Variants in RB1CC1 observed in about 807,000 individuals in gnomAD.
The protein encoded by RB1CC1 is RB1-inducible coiled-coil protein 1.
In RB1CC1, 46 loss-of-function variants were observed where a neutral mutation model predicts 177.5. The ratio of observed to expected loss-of-function variants is 0.26; its 90% CI spans 0.20 to 0.33. The LOEUF (loss-of-function observed/expected upper bound fraction) is 0.33, where lower values mean the gene tolerates loss of function less well. RB1CC1 is among the 10% of genes least tolerant of loss of function. The pLI, the probability that RB1CC1 is intolerant of heterozygous loss-of-function variation, is 1.00. For synonymous variants in RB1CC1, 666 were observed against 613.6 expected, an observed-to-expected ratio of 1.09 and a Z score of -1.26; for missense variants, 1,703 against 1,816.3, an observed-to-expected ratio of 0.94 and a Z score of 1.13.
intron 15 of RB1CC1, among the ~76,000 whole-genome samples, chr8:52,646,698 G>C (rs963258512): frequency 4.6e-5 from 7 of 152,256 alleles, no homozygotes; most frequent in African/African-American, 1.7e-4. Flanking sequence ...TAACCTCTTA[G>C]GGGTTGCTGA....
intron 1 of RB1CC1, among the ~76,000 whole-genome samples, chr8:52,688,447 C>T (rs1189745062): frequency 6.6e-6 from 1 of 152,202 alleles, no homozygotes; most frequent in Non-Finnish European, 1.5e-5. Flanking sequence ...GAGATACACC[C>T]TGGTCTCCTG....
intron 8 of RB1CC1, among the ~76,000 whole-genome samples, chr8:52,662,905 T>C (rs996696504): frequency 1.3e-5 from 2 of 152,112 alleles, no homozygotes; most frequent in African/African-American, 4.8e-5. Context: ...TGGTTTTCAA[T>C]TACTTTTTAT....
At chr8:52,632,739 G>T (rs1293021881) in intron 20 of RB1CC1, among the ~76,000 whole-genome samples, 1 of 152,018 alleles carries the variant, frequency 6.6e-6, no homozygotes, top group Non-Finnish European at 1.5e-5. Flanking sequence ...GGTCAAGCTG[G>T]GAACTACATC....
At chr8:52,689,422 C>T (rs979152244) in intron 1 of RB1CC1, among the ~76,000 whole-genome samples, 2 of 152,114 alleles carry the variant, frequency 1.3e-5, no homozygotes, top group African/African-American at 2.4e-5. Context: ...ATCACTAGTC[C>T]GTCAACCTCC....
At chr8:52,638,646 T>C (rs1309069744) in intron 18 of RB1CC1, among the ~76,000 whole-genome samples, 3 of 152,150 alleles carry the variant, frequency 2.0e-5, no homozygotes, top group Non-Finnish European at 4.4e-5. Context: ...ATATTGATTA[T>C]TGTTTTCCAA....
At chr8:52,687,395 A>G (rs1411322122) in intron 1 of RB1CC1, among the ~76,000 whole-genome samples, 1 of 152,112 alleles carries the variant, frequency 6.6e-6, no homozygotes, top group Non-Finnish European at 1.5e-5. Flanking sequence ...TACCACATCC[A>G]CCTACTGTAT....
intron 1 of RB1CC1, among the ~76,000 whole-genome samples, chr8:52,709,988 A>T (rs527992057): frequency 6.6e-6 from 1 of 152,378 alleles, no homozygotes; most frequent in African/African-American, 2.4e-5. Context: ...AAAGCTTCAG[A>T]GAAAAGATGA....
At chr8:52,655,987 C>A in intron 15 of RB1CC1, 21 bp downstream of exon 15, 1 of 1,515,928 alleles carries the variant, frequency 6.6e-7, no homozygotes, top group Non-Finnish European at 9.0e-7. Flanking sequence ...TTTATAATTA[C>A]AGACTAAACT....
At chr8:52,655,812 T>C (rs1383839767) in intron 15 of RB1CC1, among the ~76,000 whole-genome samples, 196 bp downstream of exon 15, 1 of 152,158 alleles carries the variant, frequency 6.6e-6, no homozygotes, top group Non-Finnish European at 1.5e-5. Flanking sequence ...ATTCATTTTT[T>C]AAAAGCCACT....
Position 52,656,559 on chromosome 8 carries a change from T to C in RB1CC1, c.3270A>G (p.Lys1090=), listed in dbSNP as rs1342601819. The change falls in exon 15 of 24, where the codon AAA becomes AAG. Residue 1090 remains lysine, a synonymous_variant. Transcript: ENST00000025008. ...ESRAQQKETL[K]SLLEQETENL... ...TTTCTGTCTCTTGTTCAAGAAGAGA[T>C]TTCAAGGTCTCCTTCTGCTGGGCTC... is the stretch of plus-strand genomic sequence containing the variant. 1.9e-6 allele frequency: 3 copies of C among 1,611,114 alleles called. No homozygotes were observed. The highest frequency in any genetic ancestry group is 2.7e-5 in the African/African-American group (2 of 74,640).
chr8:52,664,503 T>C (rs1033201491), intron 8 of RB1CC1, among the ~76,000 whole-genome samples: 10 of 152,328 alleles, frequency 6.6e-5, no homozygotes, highest in African/African-American at 2.4e-4. Flanking sequence ...TCTTTTGGTA[T>C]ATTCCATGAG....
intron 8 of RB1CC1, among the ~76,000 whole-genome samples, chr8:52,663,376 T>C (rs1050216490): frequency 2.0e-5 from 3 of 151,918 alleles, no homozygotes; most frequent in East Asian, 3.9e-4. Context: ...GCCAAAACCA[T>C]GTAGAAGGGT....
chr8:52,624,937 T>C, intron 22 of RB1CC1, 150 bp from the exon 23 acceptor site: 1 of 580,288 alleles, frequency 1.7e-6, no homozygotes, highest in Non-Finnish European at 2.9e-6. Flanking sequence ...ACTGAAATGC[T>C]TAACAATTTA....
chr8:52,683,554 C>A lies in RB1CC1; in HGVS notation c.364G>T (p.Ala122Ser), dbSNP rs763458648. 16 of 1,581,284 alleles carry A rather than the reference C, an allele frequency of 1.0e-5. No homozygotes were observed. The South Asian group carries it at 1.9e-4, about 19-fold the overall frequency. Residue 122 changes from alanine to serine, a missense_variant, in exon 5 of 24, where the codon GCA (alanine) becomes TCA (serine). Around this residue, in one of 6 missense-constraint regions of RB1CC1, gnomAD observed 11 missense variants for 29.1 expected, o/e 0.38. Coordinates refer to ENST00000025008, the MANE Select transcript of RB1CC1 (RefSeq NM_014781.5). ...AATAATTGTTTATATCTTACCAATG[C>A]AAGCTGTGTCCTTGAAGCAACAGTA... ...FHTVASRTQL[A>S]LEMYEVAKKL...
rs376611634 is a variant in RB1CC1, at chr8:52,654,489, ATT to A, written c.3821+1517_3821+1518del. Among the ~76,000 whole-genome samples the A allele has an allele frequency of 4.2e-4, 64 of 152,328 alleles. 1 individual carries two copies. The highest frequency in any genetic ancestry group is 1.5e-3 in the African/African-American group (63 of 41,574). On this transcript the variant is annotated intron_variant, in intron 15 of 23. Coordinates refer to ENST00000025008, the MANE Select transcript of RB1CC1 (RefSeq NM_014781.5). Reference sequence around the variant, plus strand: ...GAGAACTATCCATTTTGTGATGCAGATTGAGTCAGACTGGTGCTTTGAAGAGA... The same window carrying A: ...GAGAACTATCCATTTTGTGATGCAGAGAGTCAGACTGGTGCTTTGAAGAGA...
intron 20 of RB1CC1, among the ~76,000 whole-genome samples, chr8:52,633,406 GATAA>G (rs1003651831): frequency 4.6e-5 from 7 of 151,998 alleles, no homozygotes; most frequent in Non-Finnish European, 7.4e-5. Flanking sequence ...TTCTATTGAG[GATAA>G]ATAAAGCATA....
At chr8:52,682,916 G>A (rs1853891305) in intron 5 of RB1CC1, among the ~76,000 whole-genome samples, 1 of 152,058 alleles carries the variant, frequency 6.6e-6, no homozygotes, top group South Asian at 2.1e-4. Flanking sequence ...ATCTCTAAGA[G>A]TTTTACTAAT....
Position 52,674,158 on chromosome 8 carries a change from T to G in RB1CC1, c.689A>C (p.Glu230Ala). The G allele has an allele frequency of 6.2e-7, 1 of 1,613,904 alleles. No homozygotes were observed. The highest frequency in any genetic ancestry group is 8.5e-7 in the Non-Finnish European group (1 of 1,179,762). The stretch of plus-strand genomic sequence containing the variant: ...AGTGGATCTTTTCATCTCAGCTTTT[T>G]CTGAGTCTTCATGTTCAGGTAAAGA... The part of the protein sequence containing the change: ...LDSLPEHEDS[E>A]KAEMKRSTEL... The change falls in exon 7 of 24, where the codon GAA (glutamate) becomes GCA (alanine). Residue 230 changes from glutamate (E) to alanine (A), a missense_variant. Physicochemically the swap from Glu to Ala is moderately radical, Grantham distance 107. Transcript: ENST00000025008.
At chr8:52,664,551 A>G (rs1252100472) in intron 8 of RB1CC1, among the ~76,000 whole-genome samples, 1 of 152,200 alleles carries the variant, frequency 6.6e-6, no homozygotes, top group Non-Finnish European at 1.5e-5. Context: ...TACTACAAAT[A>G]AATTAGGGGG....
Sources: gnomAD v4.1 joint callset for allele counts (sites outside exome capture counted in the v4.1 genomes callset) on GRCh38, gnomAD v4.1.1 for gene constraint, gnomAD v4.1.1 regional missense constraint, MANE v1.5 for transcripts, NCBI Gene and HGNC (gene_info 2026-07-23, HGNC 2026-07-21) for gene names.